Variants in SLC25A48 observed in about 807,000 individuals in gnomAD.
SLC25A48 encodes the protein CTC-321K16.1.
Under a neutral mutation model 32.2 loss-of-function variants are expected in SLC25A48, and 29 were observed. That is an observed-to-expected ratio of 0.90 (90% confidence interval 0.67 to 1.23). The LOEUF is 1.23. SLC25A48 is among the 50% of genes most tolerant of loss of function. SLC25A48 has a pLI of 0.00. For missense variants in SLC25A48, 399 were observed against 422.7 expected (o/e 0.94, Z 0.49); for synonymous variants, 164 against 172.3 (o/e 0.95, Z 0.38).
At chr5:135,713,879 G>C (rs1185989058) in intron 3 of SLC25A48, among the ~76,000 whole-genome samples, 1 of 152,156 alleles carries the variant, frequency 6.6e-6, no homozygotes, top group East Asian at 1.9e-4. Flanking sequence ...TCTTCCCCTC[G>C]AGGAGCCTCC....
chr5:135,583,204 G>A (rs545756493), intron 1 of SLC25A48, among the ~76,000 whole-genome samples: 15 of 150,528 alleles, frequency 1.0e-4, no homozygotes, highest in South Asian at 4.2e-4. Flanking sequence ...GTGTGTTTGC[G>A]TGTGTGTAGG....
At chr5:135,830,617 A>G (rs1297449795), upstream of SLC25A48, among the ~76,000 whole-genome samples, 1 of 152,244 alleles carries the variant, frequency 6.6e-6, no homozygotes, top group Non-Finnish European at 1.5e-5. Flanking sequence ...CAACAAAGGA[A>G]GAAATCCTGC....
intron 4 of SLC25A48, chr5:135,825,746 G>T (rs1254122433): frequency 6.5e-6 from 1 of 152,734 alleles, no homozygotes; most frequent in Non-Finnish European, 1.5e-5. Context: ...GTTCCCCCGT[G>T]ACAGTGACCG....
rs779255724 is a variant in SLC25A48, at chr5:135,817,722, AAAGTC to A, written c.-117+4800_-117+4804del. 2.8e-4 allele frequency among the ~76,000 whole-genome samples: 42 copies of A among 152,346 alleles called. No homozygotes were observed. The Middle Eastern group carries it at 0.01, about 37-fold the overall frequency. ...TAGAAAGACTTTGTTAATAAAATAAAAAGTCAAGGCACAACCTGGGAGAAAACATT... is the reference window on the plus strand; with the variant it reads ...TAGAAAGACTTTGTTAATAAAATAAAAAGGCACAACCTGGGAGAAAACATT... On this transcript the variant is annotated intron_variant, in intron 4 of 10. Coordinates refer to the SLC25A48 transcript ENST00000646290.
chr5:135,615,408 G>A (rs1219684526), intron 1 of SLC25A48, among the ~76,000 whole-genome samples: 1 of 152,198 alleles, frequency 6.6e-6, no homozygotes, highest in African/African-American at 2.4e-5. Flanking sequence ...TAACAAAGAG[G>A]TTGGTGGCAT....
intron 3 of SLC25A48, among the ~76,000 whole-genome samples, chr5:135,657,053 A>G (rs1196130943): frequency 2.6e-5 from 4 of 152,190 alleles, no homozygotes; most frequent in African/African-American, 9.6e-5. Flanking sequence ...AGCACCCAGC[A>G]TAACCCCTCC....
At chr5:135,871,741 C>G (rs945861213) in intron 5 of SLC25A48, 23 bp downstream of exon 5, 1 of 1,611,684 alleles carries the variant, frequency 6.2e-7, no homozygotes, top group African/African-American at 1.3e-5. Flanking sequence ...GCAGCTGGAG[C>G]CGCACCCCTG....
chr5:135,750,335 TG>T (rs1350959808), intron 3 of SLC25A48, among the ~76,000 whole-genome samples: 5 of 152,192 alleles, frequency 3.3e-5, no homozygotes, highest in African/African-American at 1.2e-4. Flanking sequence ...TGGTTTCACC[TG>T]GGCTCCCTTA....
chr5:135,742,718 T>C (rs1024449608), intron 3 of SLC25A48: 3 of 387,982 alleles, frequency 7.7e-6, no homozygotes, highest in Non-Finnish European at 1.4e-5. Flanking sequence ...AAATACCTCT[T>C]AGTCAACAGT....
intron 3 of SLC25A48, among the ~76,000 whole-genome samples, chr5:135,812,036 C>T (rs962278271): frequency 1.1e-4 from 16 of 151,990 alleles, no homozygotes; most frequent in Non-Finnish European, 1.6e-4. Flanking sequence ...GAGCTGAGCC[C>T]GCACCACTGC....
At chr5:135,776,089 G>A (rs144779471) in intron 3 of SLC25A48, among the ~76,000 whole-genome samples, 1 of 151,758 alleles carries the variant, frequency 6.6e-6, no homozygotes, top group East Asian at 1.9e-4. Flanking sequence ...AGGTGTACAC[G>A]TCCCCTGTGA....
At chr5:135,860,348 T>C (rs904435316) in intron 4 of SLC25A48, among the ~76,000 whole-genome samples, 3 of 152,342 alleles carry the variant, frequency 2.0e-5, no homozygotes, top group African/African-American at 4.8e-5. Flanking sequence ...ACATATTTTA[T>C]CTTCTGCCTC....
At chr5:135,763,569 C>T (rs545226794) in intron 3 of SLC25A48, among the ~76,000 whole-genome samples, 2 of 151,846 alleles carry the variant, frequency 1.3e-5, no homozygotes, top group Non-Finnish European at 2.9e-5. Context: ...GGGAATCCCT[C>T]GAGGAGGGGA....
intron 1 of SLC25A48, among the ~76,000 whole-genome samples, chr5:135,615,314 A>G (rs1249680089): frequency 6.6e-6 from 1 of 152,236 alleles, no homozygotes; most frequent in Non-Finnish European, 1.5e-5. Context: ...AGTGATATGG[A>G]CAGTGAACAC....
At chr5:135,815,662 T>C (rs1230144059) in intron 4 of SLC25A48, among the ~76,000 whole-genome samples, 2 of 152,256 alleles carry the variant, frequency 1.3e-5, no homozygotes, top group East Asian at 1.9e-4. Context: ...ATTAGTTCTA[T>C]CCATCCATGT....
At chr5:135,766,479 G>T (rs751262650) in intron 3 of SLC25A48, among the ~76,000 whole-genome samples, 1 of 151,008 alleles carries the variant, frequency 6.6e-6, no homozygotes, top group Non-Finnish European at 1.5e-5. Flanking sequence ...GTGTGATATG[G>T]TTCATAATAT....
chr5:135,630,332 T>C (rs1370239793), intron 2 of SLC25A48, among the ~76,000 whole-genome samples: 1 of 152,136 alleles, frequency 6.6e-6, no homozygotes, highest in Non-Finnish European at 1.5e-5. Context: ...ATCTCTTCCT[T>C]AGCTTTGAGA....
intron 6 of SLC25A48, chr5:135,874,644 C>A (rs897480712): frequency 2.9e-6 from 2 of 698,656 alleles, no homozygotes; most frequent in East Asian, 5.4e-5. Context: ...TGACCCCAGA[C>A]CTCTGGTCGT....
At chr5:135,606,223 T>C (rs1322281652) in intron 1 of SLC25A48, among the ~76,000 whole-genome samples, 1 of 152,202 alleles carries the variant, frequency 6.6e-6, no homozygotes, top group Admixed American at 6.5e-5. Context: ...ATGTCTGCAT[T>C]GTCAGGGAGG....
Sources: gnomAD v4.1 joint callset for allele counts (sites outside exome capture counted in the v4.1 genomes callset) on GRCh38, gnomAD v4.1.1 for gene constraint, MANE v1.5 for transcripts, NCBI Gene and HGNC (gene_info 2026-07-23, HGNC 2026-07-21) for gene names.